Variants in LDB2 observed in about 807,000 individuals in gnomAD.
LDB2 encodes the protein LIM domain-binding protein 2.
LDB2 carries 12 observed loss-of-function variants against 44.3 expected under a neutral mutation model. The observed-to-expected ratio is 0.27, with a 90% confidence interval of 0.17 to 0.44. The LOEUF is 0.44. LDB2 is among the 20% of genes least tolerant of loss of function. LDB2 has a pLI of 1.00. For synonymous variants in LDB2, 164 were observed against 174.8 expected, an observed-to-expected ratio of 0.94 and a Z score of 0.49; for missense variants, 344 against 473.5, an observed-to-expected ratio of 0.73 and a Z score of 2.54.
intron 5 of LDB2, 21 bp from the exon 6 acceptor site, chr4:16,512,125 T>C (rs6824949): frequency 0.23 from 367,141 of 1,574,824 alleles, 45,282 homozygotes; most frequent in South Asian, 0.31. Flanking sequence ...TTCAAAGACA[T>C]TGGCATTTCA....
At chr4:16,897,807 TC>T (rs1725481804) in intron 1 of LDB2, among the ~76,000 whole-genome samples, 6 of 151,432 alleles carry the variant, frequency 4.0e-5, no homozygotes, top group Admixed American at 4.0e-4. Context: ...GCAGGTTTAC[TC>T]TTCTGCCCCT....
At chr4:16,605,540 C>T (rs748720800) in intron 2 of LDB2, among the ~76,000 whole-genome samples, 1 of 152,202 alleles carries the variant, frequency 6.6e-6, no homozygotes, top group Non-Finnish European at 1.5e-5. Context: ...AAATTTGATT[C>T]TTTTCTCCAG....
chr4:16,658,864 G>A (rs1228490282), intron 2 of LDB2, among the ~76,000 whole-genome samples: 1 of 152,190 alleles, frequency 6.6e-6, no homozygotes, highest in African/African-American at 2.4e-5. Flanking sequence ...GCTCAGAAGG[G>A]TTAAGTAGTT....
chr4:16,659,663 CTA>C (rs1230479753), intron 2 of LDB2, among the ~76,000 whole-genome samples: 1 of 75,028 alleles, frequency 1.3e-5, no homozygotes, highest in Non-Finnish European at 2.9e-5. Context: ...ATGAGTATAT[CTA>C]TGTGTGTATA....
At chr4:16,791,281 G>T (rs1775643039) in intron 1 of LDB2, among the ~76,000 whole-genome samples, 1 of 152,138 alleles carries the variant, frequency 6.6e-6, no homozygotes, top group Non-Finnish European at 1.5e-5. Context: ...AAACGGCTGG[G>T]CGGGGTGACT....
At chr4:16,786,064 C>T (rs1205997755) in intron 1 of LDB2, among the ~76,000 whole-genome samples, 1 of 152,100 alleles carries the variant, frequency 6.6e-6, no homozygotes, top group African/African-American at 2.4e-5. Flanking sequence ...TAAAAGGGAG[C>T]TCTGATTTCT....
At chr4:16,776,882 T>C (rs1376776298) in intron 1 of LDB2, among the ~76,000 whole-genome samples, 3 of 152,118 alleles carry the variant, frequency 2.0e-5, no homozygotes, top group African/African-American at 7.2e-5. Context: ...ATCGCAAACA[T>C]TTAGAGCTAT....
At chr4:16,714,165 T>C (rs1405612717) in intron 2 of LDB2, among the ~76,000 whole-genome samples, 1 of 152,244 alleles carries the variant, frequency 6.6e-6, no homozygotes, top group Non-Finnish European at 1.5e-5. Context: ...AAGTTTATCC[T>C]AAGAAACTGG....
chr4:16,602,940 C>A (rs1722954453), intron 2 of LDB2, among the ~76,000 whole-genome samples: 1 of 152,150 alleles, frequency 6.6e-6, no homozygotes, highest in South Asian at 2.1e-4. Flanking sequence ...ATGAATAAGT[C>A]AATGCAATAA....
At chr4:16,677,495 C>A (rs1445609071) in intron 2 of LDB2, among the ~76,000 whole-genome samples, 2 of 152,188 alleles carry the variant, frequency 1.3e-5, no homozygotes, top group African/African-American at 2.4e-5. Flanking sequence ...GGCAGAAGAA[C>A]TGGATTACAA....
intron 1 of LDB2, among the ~76,000 whole-genome samples, chr4:16,880,160 T>G (rs1231409831): frequency 6.6e-6 from 1 of 152,198 alleles, no homozygotes; most frequent in African/African-American, 2.4e-5. Context: ...CTTTATGCAC[T>G]GTATCTTAAT....
At chr4:16,817,604 A>G (rs1408775659) in intron 1 of LDB2, among the ~76,000 whole-genome samples, 2 of 152,200 alleles carry the variant, frequency 1.3e-5, no homozygotes, top group African/African-American at 4.8e-5. Context: ...GTGTTCAAAT[A>G]TATATTTCTT....
intron 5 of LDB2, among the ~76,000 whole-genome samples, chr4:16,528,353 A>G (rs1728967298): frequency 2.0e-5 from 3 of 152,328 alleles, no homozygotes; most frequent in East Asian, 3.9e-4. Flanking sequence ...TCAAAAACCT[A>G]TGGAAATAAA....
chr4:16,699,881 A>G (rs1014989602), intron 2 of LDB2, among the ~76,000 whole-genome samples: 1 of 152,138 alleles, frequency 6.6e-6, no homozygotes, highest in East Asian at 1.9e-4. Flanking sequence ...TCCACTTAGA[A>G]CGCATGTACA....
At chr4:16,712,551 C>CAA (rs200978778) in intron 2 of LDB2, among the ~76,000 whole-genome samples, 1 of 150,030 alleles carries the variant, frequency 6.7e-6, no homozygotes, top group African/African-American at 2.4e-5. Flanking sequence ...GACTCTGTCT[C>CAA]AAAAAAAACA....
At chr4:16,757,882 A>C (rs1767004601) in intron 2 of LDB2, among the ~76,000 whole-genome samples, 1 of 152,102 alleles carries the variant, frequency 6.6e-6, no homozygotes, top group Non-Finnish European at 1.5e-5. Flanking sequence ...GTTGAATATA[A>C]AGGTGCTCTA....
At chr4:16,595,914 A>G (rs1189581471) in intron 2 of LDB2, 39 bp from the exon 3 acceptor site, 2 of 1,590,014 alleles carry the variant, frequency 1.3e-6, no homozygotes, top group East Asian at 2.2e-5. Context: ...ATTAACAAAA[A>G]TATCCCACCA....
chr4:16,738,505 G>C (rs1443517860), intron 2 of LDB2, among the ~76,000 whole-genome samples: 1 of 152,172 alleles, frequency 6.6e-6, no homozygotes, highest in East Asian at 1.9e-4. Flanking sequence ...CAGACTAAAA[G>C]CTACCGCTTA....
chr4:16,501,646 G>A lies in LDB2; in HGVS notation c.*997C>T, dbSNP rs1055259275. ...GCCACTGTGCCTTTACATGTGTGGAGGAACATATTAATATGCAAATGGAAA... is the reference window on the plus strand; with the variant it reads ...GCCACTGTGCCTTTACATGTGTGGAAGAACATATTAATATGCAAATGGAAA... On this transcript the variant is annotated 3_prime_UTR_variant, in exon 8 of 8. Transcript: ENST00000304523. 6.6e-6 allele frequency: 1 copy of A among 152,534 alleles called. No individual in the cohort carries two copies. The highest frequency in any genetic ancestry group is 1.5e-5 in the Non-Finnish European group (1 of 68,034). 9.4% of individuals were successfully genotyped at this position (152,534 alleles called of 1,614,324 possible).
Sources: gnomAD v4.1 joint callset for allele counts (sites outside exome capture counted in the v4.1 genomes callset) on GRCh38, gnomAD v4.1.1 for gene constraint, MANE v1.5 for transcripts, NCBI Gene and HGNC (gene_info 2026-07-23, HGNC 2026-07-21) for gene names.